UBR1: variants seen among roughly 807,000 people sequenced by gnomAD.
UBR1 encodes E3 ubiquitin-protein ligase UBR1.
Under a neutral mutation model 242.1 loss-of-function variants are expected in UBR1, and 102 were observed. The observed-to-expected ratio is 0.42, with a 90% CI of 0.36 to 0.50. The LOEUF is 0.50. Ranked by LOEUF, UBR1 falls within the 20% of genes least tolerant of loss-of-function variation. The pLI is 0.01. For missense variants in UBR1, 1,772 were observed against 2,101.8 expected (o/e 0.84, Z 3.07); for synonymous variants, 675 against 684.8 (o/e 0.99, Z 0.22).
intron 14 of UBR1, among the ~76,000 whole-genome samples, chr15:43,045,842 T>C (rs1324838703): frequency 6.6e-6 from 1 of 152,170 alleles, no homozygotes; most frequent in Non-Finnish European, 1.5e-5. Context: ...CTGACTGAAA[T>C]AGGTAATCGA....
chr15:43,029,825 T>A (rs1188412247), intron 21 of UBR1, 119 bp downstream of exon 21: 1 of 1,140,048 alleles, frequency 8.8e-7, no homozygotes, highest in African/African-American at 1.5e-5. Flanking sequence ...TTGGTTTACA[T>A]CTATAAGGTA....
intron 30 of UBR1, among the ~76,000 whole-genome samples, chr15:43,006,838 G>A (rs189130046): frequency 2.6e-5 from 4 of 151,974 alleles, no homozygotes; most frequent in African/African-American, 4.8e-5. Context: ...AAAGCAACAC[G>A]TGTTTGTTTG....
At chr15:42,951,715 C>A (rs2031837108) in intron 45 of UBR1, among the ~76,000 whole-genome samples, 1 of 152,030 alleles carries the variant, frequency 6.6e-6, no homozygotes, top group African/African-American at 2.4e-5. Flanking sequence ...AACTCCCAGG[C>A]TCAAGCAGCC....
chr15:42,966,963 A>T (rs2032115509), intron 40 of UBR1, among the ~76,000 whole-genome samples: 1 of 152,076 alleles, frequency 6.6e-6, no homozygotes, highest in Non-Finnish European at 1.5e-5. Context: ...TCTGTCACCC[A>T]GGCTGGAGTG....
chr15:42,961,882 G>A (rs984765746), intron 42 of UBR1, among the ~76,000 whole-genome samples: 3 of 151,356 alleles, frequency 2.0e-5, no homozygotes, highest in East Asian at 1.9e-4. Context: ...AGCCTCTTGA[G>A]TAGCTGGGAC....
intron 10 of UBR1, among the ~76,000 whole-genome samples, chr15:43,057,440 A>C (rs2033631938): frequency 6.6e-6 from 1 of 152,194 alleles, no homozygotes; most frequent in Non-Finnish European, 1.5e-5. Flanking sequence ...GGAAATCAAC[A>C]AGTATGACTG....
At chr15:43,053,940 C>T (rs2033585681) in intron 12 of UBR1, among the ~76,000 whole-genome samples, 1 of 151,896 alleles carries the variant, frequency 6.6e-6, no homozygotes, top group African/African-American at 2.4e-5. Context: ...GATTCTTCTG[C>T]CTCAGCCTCA....
chr15:43,051,698 T>C (rs1397220031), intron 12 of UBR1, among the ~76,000 whole-genome samples: 1 of 152,092 alleles, frequency 6.6e-6, no homozygotes, highest in Non-Finnish European at 1.5e-5. Context: ...ACATAGCTAA[T>C]GAGCAACCTC....
At chr15:42,950,188 G>A (rs2031808499) in intron 46 of UBR1, 74 bp downstream of exon 46, 7 of 1,301,878 alleles carry the variant, frequency 5.4e-6, no homozygotes, top group Non-Finnish European at 7.8e-6. Flanking sequence ...ATACAATAAT[G>A]TGACTGAAAT....
intron 40 of UBR1, among the ~76,000 whole-genome samples, chr15:42,967,158 T>C (rs1014993041): frequency 6.6e-6 from 1 of 151,226 alleles, no homozygotes; most frequent in African/African-American, 2.4e-5. Flanking sequence ...CCTCGGGTGA[T>C]CCGCCCGCCT....
intron 41 of UBR1, among the ~76,000 whole-genome samples, chr15:42,964,409 C>T (rs2032072670): frequency 6.6e-6 from 1 of 152,008 alleles, no homozygotes; most frequent in Non-Finnish European, 1.5e-5. Context: ...GTGGAGGTTG[C>T]AGTGAGCTGA....
At chr15:42,969,719 G>A (rs2032171583) in intron 40 of UBR1, among the ~76,000 whole-genome samples, 1 of 152,106 alleles carries the variant, frequency 6.6e-6, no homozygotes, top group Admixed American at 6.6e-5. Flanking sequence ...CAAACAGGGA[G>A]CCAAATCATG....
At chr15:43,035,467 T>TG (rs2033320705) in intron 19 of UBR1, among the ~76,000 whole-genome samples, 1 of 151,948 alleles carries the variant, frequency 6.6e-6, no homozygotes, top group Non-Finnish European at 1.5e-5. Flanking sequence ...CACTTTTTGA[T>TG]GGGGTTGTTT....
intron 1 of UBR1, among the ~76,000 whole-genome samples, chr15:43,096,894 C>T (rs970261651): frequency 6.6e-6 from 1 of 152,098 alleles, no homozygotes; most frequent in Non-Finnish European, 1.5e-5. Context: ...TTGGAATCAA[C>T]TTCTTCCAAA....
chr15:43,023,975 C>T (rs1431955969), intron 25 of UBR1, among the ~76,000 whole-genome samples: 1 of 152,190 alleles, frequency 6.6e-6, no homozygotes, highest in Non-Finnish European at 1.5e-5. Flanking sequence ...TAGGAGACTA[C>T]TGAAACACAT....
intron 44 of UBR1, among the ~76,000 whole-genome samples, chr15:42,955,574 G>T (rs944050188): frequency 2.0e-5 from 3 of 152,182 alleles, no homozygotes; most frequent in Non-Finnish European, 4.4e-5. Flanking sequence ...AATGTGGTTT[G>T]CTATGGGAGG....
chr15:43,093,680 G>A (rs1442163228), intron 1 of UBR1, among the ~76,000 whole-genome samples: 1 of 151,854 alleles, frequency 6.6e-6, no homozygotes, highest in Non-Finnish European at 1.5e-5. Flanking sequence ...TACTCAGGCT[G>A]GGTACCTGAG....
intron 6 of UBR1, among the ~76,000 whole-genome samples, chr15:43,066,649 C>G (rs1268413811): frequency 2.0e-5 from 3 of 152,024 alleles, no homozygotes; most frequent in Admixed American, 6.6e-5. Context: ...GTTTGTAGTT[C>G]CCCTTGAAGA....
At chr15:42,961,127 T>C (rs2032010561) in intron 42 of UBR1, among the ~76,000 whole-genome samples, 1 of 151,382 alleles carries the variant, frequency 6.6e-6, no homozygotes, top group African/African-American at 2.4e-5. Context: ...TTTTTTTTTT[T>C]TGTTTTGAGA....
Sources: allele counts gnomAD v4.1 joint callset (sites outside exome capture counted in the v4.1 genomes callset), GRCh38; gene constraint gnomAD v4.1.1; transcripts MANE v1.5; gene names NCBI Gene and HGNC (gene_info 2026-07-23, HGNC 2026-07-21).